Variants in SMC6 observed in about 807,000 individuals in gnomAD.
SMC6 encodes the protein structural maintenance of chromosomes protein 6.
A neutral mutation model predicts 142.2 loss-of-function variants in SMC6; 79 were observed. The observed-to-expected ratio is 0.56, with a 90% CI of 0.46 to 0.67. The LOEUF is 0.67. Among genes scored for constraint, SMC6 ranks in the 30% least tolerant of loss-of-function variants. The pLI is 0.00. For synonymous variants in SMC6, 411 were observed against 412.4 expected (o/e 1.00, Z 0.04); for missense variants, 1,072 against 1,284.0 (o/e 0.83, Z 2.52).
Position 17,753,698 on chromosome 2 carries a change from A to AC in SMC6, c.-166dup, listed in dbSNP as rs1169085869. ...CGTGGTACGACCGGCCGCTAAGGCC[A>AC]CCCTGCGGGCGTCTCGACCTCGGCT... On this transcript the variant is annotated 5_prime_UTR_variant, in exon 1 of 28. Coordinates refer to ENST00000448223, the MANE Select transcript of SMC6 (RefSeq NM_001142286.2). 6.6e-6 allele frequency: 1 copy of AC among 152,274 alleles called. No individual in the cohort carries two copies. The highest frequency in any genetic ancestry group is 6.5e-5 in the Admixed American group (1 of 15,308). The allele number at this position is 152,274 out of a possible 1,614,324, so 9.4% of individuals were successfully genotyped here. A position where few individuals can be genotyped will look rare whatever the true frequency, so the allele number is the denominator to read the frequency against.
intron 17 of SMC6, 122 bp from the exon 18 acceptor site, chr2:17,707,501 T>C (rs1644835698): frequency 2.0e-6 from 1 of 509,910 alleles, no homozygotes; most frequent in South Asian, 8.2e-5. Flanking sequence ...TTTTAAAACA[T>C]TCAAATAATT....
At chr2:17,666,093 A>C (rs941543705) in intron 27 of SMC6, among the ~76,000 whole-genome samples, 3 of 152,256 alleles carry the variant, frequency 2.0e-5, no homozygotes, top group African/African-American at 4.8e-5. Context: ...AAGAGAAAAG[A>C]GGCAAGATTA....
At chr2:17,718,858 C>T (rs914551749) in intron 11 of SMC6, among the ~76,000 whole-genome samples, 1 of 152,174 alleles carries the variant, frequency 6.6e-6, no homozygotes, top group Admixed American at 6.5e-5. Context: ...TTCTTGACAA[C>T]AGGAAGACGA....
chr2:17,670,632 A>C (rs1666709984), intron 25 of SMC6, 57 bp from the exon 26 acceptor site: 1 of 1,440,924 alleles, frequency 6.9e-7, no homozygotes, highest in East Asian at 2.4e-5. Flanking sequence ...AGGCCAGATT[A>C]AATTCTTTAC....
intron 2 of SMC6, among the ~76,000 whole-genome samples, chr2:17,748,259 G>A (rs1670854475): frequency 6.6e-6 from 1 of 152,178 alleles, no homozygotes; most frequent in Admixed American, 6.5e-5. Context: ...TAGAGCAAGT[G>A]AATCAGAATC....
chr2:17,735,585 C>T (rs1280371275), intron 5 of SMC6, among the ~76,000 whole-genome samples: 2 of 152,172 alleles, frequency 1.3e-5, no homozygotes, highest in East Asian at 3.8e-4. Flanking sequence ...GACCCCAAGG[C>T]TACCAGGGTT....
At chr2:17,739,871 A>G (rs942567146) in intron 4 of SMC6, among the ~76,000 whole-genome samples, 21 of 93,400 alleles carry the variant, frequency 2.2e-4, no homozygotes, top group Non-Finnish European at 1.4e-4. Context: ...CACACAGAGA[A>G]TATGGTAAAC....
At chr2:17,677,465 A>G (rs1166560540) in intron 25 of SMC6, among the ~76,000 whole-genome samples, 1 of 152,096 alleles carries the variant, frequency 6.6e-6, no homozygotes, top group Non-Finnish European at 1.5e-5. Flanking sequence ...TCCTACTACT[A>G]CTAGACTACT....
At chr2:17,736,797 G>A (rs945914790) in intron 5 of SMC6, among the ~76,000 whole-genome samples, 8 of 151,896 alleles carry the variant, frequency 5.3e-5, no homozygotes, top group African/African-American at 1.7e-4. Flanking sequence ...ACTTGAACCC[G>A]GGAGGTAGAG....
At chr2:17,719,783 C>A (rs779808455) in intron 11 of SMC6, among the ~76,000 whole-genome samples, 3 of 152,116 alleles carry the variant, frequency 2.0e-5, no homozygotes, top group Non-Finnish European at 4.4e-5. Context: ...GCCCAGAAAT[C>A]GCTAAGTGTC....
chr2:17,673,876 G>A (rs1014925460), intron 25 of SMC6, among the ~76,000 whole-genome samples: 5 of 151,948 alleles, frequency 3.3e-5, no homozygotes, highest in African/African-American at 1.2e-4. Flanking sequence ...GCCGCTTACT[G>A]TTTATTTTAC....
At chr2:17,739,499 G>T (rs1300727968) in intron 4 of SMC6, among the ~76,000 whole-genome samples, 1 of 152,024 alleles carries the variant, frequency 6.6e-6, no homozygotes, top group African/African-American at 2.4e-5. Context: ...ACAAAAAGTA[G>T]CTGGGAGTGG....
chr2:17,691,301 G>C (rs1667707416), intron 23 of SMC6, among the ~76,000 whole-genome samples: 1 of 119,600 alleles, frequency 8.4e-6, no homozygotes, highest in Non-Finnish European at 1.8e-5. Flanking sequence ...TAAAAAAGCT[G>C]AATAGTATTC....
At position 17,753,079 on chromosome 2, in the gene SMC6, G is replaced by A. The variant is rs1671143161; in HGVS notation, c.-92-15C>T. On this transcript the variant is annotated splice_polypyrimidine_tract_variant and intron_variant, in intron 1 of 27. Transcript: ENST00000448223. Reference sequence around the variant, plus strand: ...CCGGTTCATTTCTGTAAGAAATGAGGGCAGAGAAATGCCATCAGTAAACCT... The same window carrying A: ...CCGGTTCATTTCTGTAAGAAATGAGAGCAGAGAAATGCCATCAGTAAACCT... The A allele has an allele frequency of 1.1e-6, 1 of 936,370 alleles. No individual in the cohort carries two copies. Among genetic ancestry groups the A allele is most frequent in the Non-Finnish European group, 1.3e-6 (1 of 785,328 alleles). The allele number at this position is 936,370 out of a possible 1,614,324, so 58.0% of individuals were successfully genotyped here.
At position 17,745,963 on chromosome 2, in the gene SMC6, T is replaced by C. The variant is rs781558269; in HGVS notation, c.-5-12A>G. The C allele has an allele frequency of 1.3e-6, 2 of 1,582,288 alleles. No individual in the cohort carries two copies. Among genetic ancestry groups the C allele is most frequent in the South Asian group, 1.2e-5 (1 of 85,792 alleles). The stretch of plus-strand genomic sequence containing the variant: ...TTTGGCCATCAGGTCTGAACAAATA[T>C]TTATAGTAACAATGAGGTAAATCAA... On this transcript the variant is annotated splice_polypyrimidine_tract_variant and intron_variant, in intron 2 of 27. Transcript: ENST00000448223.
intron 25 of SMC6, among the ~76,000 whole-genome samples, chr2:17,673,193 A>C (rs1475874864): frequency 1.3e-5 from 2 of 152,168 alleles, no homozygotes; most frequent in East Asian, 3.8e-4. Flanking sequence ...CCATTTAGAT[A>C]CTTTAAAGTG....
Position 17,731,614 on chromosome 2 carries a change from G to A in SMC6, c.481+127C>T, listed in dbSNP as rs112320328. ...CATATGCACGTGTGTGTGTGTGTGT[G>A]TATATATATATGCACACAACCAATC... On this transcript the variant is annotated intron_variant, in intron 6 of 27. Transcript: ENST00000448223. 7.5e-4 allele frequency: 576 copies of A among 767,244 alleles called. 4 individuals are homozygous for A. Among genetic ancestry groups the A allele is most frequent in the African/African-American group, 7.4e-3 (422 of 56,936 alleles). 47.5% of individuals were successfully genotyped at this position (767,244 alleles called of 1,614,324 possible).
At position 17,696,498 on chromosome 2, in the gene SMC6, A is replaced by T. The variant is rs1667994404; in HGVS notation, c.2395-72T>A. The T allele has an allele frequency of 1.5e-5, 22 of 1,490,466 alleles. No individual in the cohort carries two copies. In the South Asian group the frequency reaches 2.1e-4, roughly 14 times the overall value. 92.3% of individuals were successfully genotyped at this position (1,490,466 alleles called of 1,614,324 possible). ...AGCATAGGTATAAAGATAATAAACA[A>T]CTCGGTAAAGTGGCTAGGATTATGC... On this transcript the variant is annotated intron_variant, in intron 21 of 27. Coordinates refer to ENST00000448223, the MANE Select transcript of SMC6 (RefSeq NM_001142286.2).
At chr2:17,694,731 A>G (rs537386212) in intron 23 of SMC6, among the ~76,000 whole-genome samples, 66 of 121,322 alleles carry the variant, frequency 5.4e-4, no homozygotes, top group Non-Finnish European at 1.0e-3. Flanking sequence ...TGCTCTAATT[A>G]TCAAGAGCAT....
Sources: allele counts gnomAD v4.1 joint callset (sites outside exome capture counted in the v4.1 genomes callset), GRCh38; gene constraint gnomAD v4.1.1; transcripts MANE v1.5; gene names NCBI Gene and HGNC (gene_info 2026-07-23, HGNC 2026-07-21).